Variants in EGF observed in about 807,000 individuals in gnomAD.
The protein encoded by EGF is pro-epidermal growth factor.
In EGF, 95 loss-of-function variants were observed where a neutral mutation model predicts 143.8. That is an observed-to-expected ratio of 0.66 (90% CI 0.56 to 0.78). The LOEUF (loss-of-function observed/expected upper bound fraction) is 0.78. EGF is among the 30% of genes least tolerant of loss of function. The probability of loss-of-function intolerance (pLI) is 0.00; values close to 1 mark genes in which losing one functional copy is unlikely to be tolerated. For missense variants in EGF, 1,320 were observed against 1,470.9 expected, an observed-to-expected ratio of 0.90 and a Z score of 1.68; for synonymous variants, 510 against 510.5, an observed-to-expected ratio of 1.00 and a Z score of 0.01.
rs1321183308 is a variant in EGF at position 109,980,021 on chromosome 4, T to C, written c.2103T>C (p.Asp701=). The stretch of plus-strand genomic sequence containing the variant: ...TTGAGGATTATGTGTGGTTCTCAGA[T>C]TGGGCTATGCCATCAGTAATGAGAG... The part of the protein sequence containing the change: ...AVFEDYVWFS[D]WAMPSVMRVN... The change falls in exon 14 of 24, where the codon GAT becomes GAC. Residue 701 remains aspartate, a synonymous_variant. Coordinates refer to ENST00000265171, the MANE Select transcript of EGF (RefSeq NM_001963.6). 1 of 1,614,070 alleles carries C rather than the reference T, an allele frequency of 6.2e-7. No homozygotes were observed. The highest frequency in any genetic ancestry group is 1.7e-5 in the Admixed American group (1 of 60,000).
At chr4:109,953,569 CT>C (rs1314435118) in intron 5 of EGF, among the ~76,000 whole-genome samples, 9 of 152,320 alleles carry the variant, frequency 5.9e-5, no homozygotes, top group Admixed American at 1.3e-4. Flanking sequence ...CCAAAGGTCA[CT>C]TTTCTTTAAT....
chr4:109,975,229 T>C (rs1386930105), intron 12 of EGF, among the ~76,000 whole-genome samples: 2 of 152,216 alleles, frequency 1.3e-5, no homozygotes, highest in Non-Finnish European at 2.9e-5. Flanking sequence ...TAGAAGACTG[T>C]GCTGTTAATT....
At position 109,948,633 on chromosome 4, in the gene EGF, A is replaced by G. The variant is rs1297741405; in HGVS notation, c.940+3358A>G. On this transcript the variant is annotated intron_variant, in intron 5 of 23. Transcript: ENST00000265171. ...CAAGTAGCTGGGATTACAGGTGTGC[A>G]TCATCACACCTGGCTAATTTTGTTG... Among the ~76,000 whole-genome samples the G allele has an allele frequency of 2.6e-5, 4 of 151,826 alleles. No individual in the cohort carries two copies. The East Asian group carries it at 5.8e-4, about 22-fold the overall frequency.
chr4:109,980,256 G>C (rs1749148388), intron 14 of EGF, 117 bp downstream of exon 14: 4 of 1,064,232 alleles, frequency 3.8e-6, no homozygotes, highest in Non-Finnish European at 1.3e-6. Context: ...TTCACTAACT[G>C]TGTAGATGTT....
chr4:109,938,692 G>A (rs986589441), intron 1 of EGF, among the ~76,000 whole-genome samples: 3 of 152,162 alleles, frequency 2.0e-5, no homozygotes, highest in Non-Finnish European at 4.4e-5. Flanking sequence ...ACCTACGGAT[G>A]GGGTTTTGAT....
intron 12 of EGF, 114 bp from the exon 13 acceptor site, chr4:109,975,898 A>G: frequency 8.6e-7 from 1 of 1,168,136 alleles, no homozygotes; most frequent in South Asian, 1.2e-5. Flanking sequence ...TGTATTCCTT[A>G]GTGTACCACT....
At chr4:109,919,975 T>C (rs984224236) in intron 1 of EGF, among the ~76,000 whole-genome samples, 1 of 151,696 alleles carries the variant, frequency 6.6e-6, no homozygotes, top group African/African-American at 2.4e-5. Context: ...TGGTCTGCTA[T>C]TGGGAGCATC....
intron 20 of EGF, among the ~76,000 whole-genome samples, chr4:109,997,116 G>T (rs1305452330): frequency 6.6e-6 from 1 of 152,112 alleles, no homozygotes; most frequent in Admixed American, 6.5e-5. Flanking sequence ...CAGTGAGCCA[G>T]GAGTGCTGAT....
In EGF at chr4:110,005,353, T is replaced by C. The variant is rs184318025; in HGVS notation, c.3291+731T>C. ...GAGCCACTGCACTCAATTTTCTTAA[T>C]TTTCTTAATATTTCTTAATATTTCT... On this transcript the variant is annotated intron_variant, in intron 22 of 23. Coordinates refer to ENST00000265171, the MANE Select transcript of EGF (RefSeq NM_001963.6). Among the ~76,000 whole-genome samples the C allele has an allele frequency of 5.4e-4, 82 of 152,192 alleles. 1 individual carries two copies. The East Asian group carries it at 0.013, about 24-fold the overall frequency.
At chr4:109,984,380 T>C (rs1164727221) in intron 16 of EGF, among the ~76,000 whole-genome samples, 6 of 152,180 alleles carry the variant, frequency 3.9e-5, no homozygotes, top group Non-Finnish European at 8.8e-5. Context: ...ACCTTATCAG[T>C]GTGATTTTTT....
At chr4:109,924,358 G>A (rs889523925) in intron 1 of EGF, among the ~76,000 whole-genome samples, 11 of 151,572 alleles carry the variant, frequency 7.3e-5, no homozygotes, top group Admixed American at 2.6e-4. Flanking sequence ...GTTTTAAGTC[G>A]GTTTAGGAAA....
intron 5 of EGF, among the ~76,000 whole-genome samples, chr4:109,953,269 A>G (rs1744238912): frequency 6.6e-6 from 1 of 152,212 alleles, no homozygotes; most frequent in Non-Finnish European, 1.5e-5. Flanking sequence ...TGGTCCAGCC[A>G]CTGCAAGTTC....
chr4:109,938,338 T>A (rs950490825), intron 1 of EGF, among the ~76,000 whole-genome samples: 5 of 152,254 alleles, frequency 3.3e-5, no homozygotes, highest in African/African-American at 1.2e-4. Context: ...GTCACGAAGT[T>A]CCTGTGCTGT....
intron 1 of EGF, among the ~76,000 whole-genome samples, chr4:109,924,481 G>C (rs1187642541): frequency 6.7e-6 from 1 of 149,004 alleles, no homozygotes; most frequent in East Asian, 1.9e-4. Context: ...AATCAAGTCA[G>C]CAAGTATTTA....
intron 1 of EGF, among the ~76,000 whole-genome samples, chr4:109,930,934 A>G (rs1302269951): frequency 6.6e-6 from 1 of 152,198 alleles, no homozygotes; most frequent in African/African-American, 2.4e-5. Context: ...CAGAGGTTCT[A>G]ATTGATTTGC....
intron 1 of EGF, among the ~76,000 whole-genome samples, chr4:109,934,322 G>GT: frequency 6.6e-6 from 1 of 152,280 alleles, no homozygotes; most frequent in East Asian, 1.9e-4. Flanking sequence ...TATGTCATCT[G>GT]CAAACAGAGA....
Position 110,011,223 on chromosome 4 carries a change from G to A in EGF, c.3392G>A (p.Trp1131Ter). 6.2e-7 allele frequency: 1 copy of A among 1,613,544 alleles called. No homozygotes were observed. Residue 1131 changes from tryptophan (W) to a stop codon, truncating the protein, a stop_gained, in exon 24 of 24, where the codon TGG becomes TAG. Coordinates refer to ENST00000265171, the MANE Select transcript of EGF (RefSeq NM_001963.6). LOFTEE classifies it low-confidence loss of function (END_TRUNC). ...AADGSMQPTS[W>*]RQEPQLCGMG... ...ATAGGGTCAATGCAACCAACTTCATGGAGGCAGGAGCCCCAGTTATGTGGA... is the reference window on the plus strand; with the variant it reads ...ATAGGGTCAATGCAACCAACTTCATAGAGGCAGGAGCCCCAGTTATGTGGA...
intron 21 of EGF, 51 bp from the exon 22 acceptor site, chr4:110,004,454 T>A (rs1373885276): frequency 2.0e-6 from 3 of 1,499,598 alleles, no homozygotes. Context: ...CTGAGTGGGC[T>A]GAGTATTTTG....
intron 1 of EGF, among the ~76,000 whole-genome samples, chr4:109,934,665 G>T (rs189595129): frequency 3.9e-5 from 6 of 152,204 alleles, no homozygotes; most frequent in Admixed American, 3.9e-4. Context: ...GTATTGCCTA[G>T]GTTTTCTTCT....
Sources: gnomAD v4.1 joint callset for allele counts (sites outside exome capture counted in the v4.1 genomes callset) on GRCh38, gnomAD v4.1.1 for gene constraint, MANE v1.5 for transcripts, NCBI Gene and HGNC (gene_info 2026-07-23, HGNC 2026-07-21) for gene names.